The following WWTR1 variants were observed in gnomAD, a reference collection of about 807,000 sequenced individuals.
The protein encoded by WWTR1 is WW domain-containing transcription regulator protein 1.
Under a neutral mutation model 40.1 loss-of-function variants are expected in WWTR1, and 13 were observed. That is an observed-to-expected ratio of 0.32 (90% CI 0.21 to 0.52). The LOEUF (loss-of-function observed/expected upper bound fraction) is 0.52. Among genes scored for constraint, WWTR1 ranks in the 20% least tolerant of loss-of-function variants. WWTR1 has a pLI of 0.97. For synonymous variants in WWTR1, 230 were observed against 210.1 expected, an observed-to-expected ratio of 1.09 and a Z score of -0.82; for missense variants, 436 against 523.1, an observed-to-expected ratio of 0.83 and a Z score of 1.63.
At chr3:149,531,795 C>T (rs1214422002) in intron 4 of WWTR1, among the ~76,000 whole-genome samples, 3 of 152,154 alleles carry the variant, frequency 2.0e-5, no homozygotes, top group African/African-American at 7.2e-5. Flanking sequence ...AATGTAAGCT[C>T]CACGAGGGAA....
At chr3:149,543,093 A>G (rs879805579) in intron 3 of WWTR1, among the ~76,000 whole-genome samples, 6 of 152,264 alleles carry the variant, frequency 3.9e-5, no homozygotes, top group Non-Finnish European at 8.8e-5. Flanking sequence ...AGCCTGAGCT[A>G]TGAGCTAAAC....
At chr3:149,540,411 G>T in intron 4 of WWTR1, 1 of 389,794 alleles carries the variant, frequency 2.6e-6, no homozygotes, top group Non-Finnish European at 5.1e-6. Flanking sequence ...AGAAGGAGGA[G>T]AAGCAAGAGA....
intron 5 of WWTR1, among the ~76,000 whole-genome samples, chr3:149,713,035 T>G (rs943357612): frequency 6.6e-6 from 1 of 152,160 alleles, no homozygotes; most frequent in Admixed American, 6.5e-5. Flanking sequence ...CCCAAACATT[T>G]GGCTTCACAT....
chr3:149,701,406 GC>G (rs1715166319), intron 1 of WWTR1, among the ~76,000 whole-genome samples: 1 of 152,046 alleles, frequency 6.6e-6, no homozygotes, highest in East Asian at 1.9e-4. Context: ...CACCTCACGT[GC>G]CCCTGAGCCC....
intron 2 of WWTR1, among the ~76,000 whole-genome samples, chr3:149,575,254 C>G (rs1373674978): frequency 6.6e-6 from 1 of 152,176 alleles, no homozygotes; most frequent in African/African-American, 2.4e-5. Context: ...AACTTCTGGG[C>G]AGGTGGAAAC....
At chr3:149,658,955 G>A (rs753919839), upstream of WWTR1, among the ~76,000 whole-genome samples, 58 of 152,112 alleles carry the variant, frequency 3.8e-4, no homozygotes, top group Non-Finnish European at 2.2e-4. Context: ...GTGCGCCAGT[G>A]ACCCGAAAAA....
intron 2 of WWTR1, among the ~76,000 whole-genome samples, chr3:149,611,509 G>C (rs917925914): frequency 6.6e-6 from 1 of 152,218 alleles, no homozygotes; most frequent in Non-Finnish European, 1.5e-5. Context: ...GCCAGAGAGG[G>C]ATCAATCCAA....
chr3:149,668,561 T>C (rs927778592), intron 2 of WWTR1, among the ~76,000 whole-genome samples: 1 of 144,750 alleles, frequency 6.9e-6, no homozygotes, highest in Admixed American at 7.4e-5. Flanking sequence ...TAAGCCGAGA[T>C]GGCGCCACTG....
At position 149,649,917 on chromosome 3, in the gene WWTR1, CA is replaced by C. The variant is rs371649866; in HGVS notation, c.431+6958del. On this transcript the variant is annotated intron_variant, in intron 2 of 6. Transcript: ENST00000360632. ...AGGCGACAAGAGTGAAACGCTATCT[CA>C]AAAAAAAAAAAAAAAAAAAATTCTG... 1,052 of 105,392 alleles carry C rather than the reference CA, an allele frequency of 1.0e-2. 10 individuals are homozygous for C. Among genetic ancestry groups the C allele is most frequent in the African/African-American group, 0.024 (653 of 27,368 alleles). The allele number at this position is 105,392 out of a possible 1,614,324, so 6.5% of individuals were successfully genotyped here.
At chr3:149,639,101 C>T (rs1242540686) in intron 2 of WWTR1, among the ~76,000 whole-genome samples, 3 of 152,132 alleles carry the variant, frequency 2.0e-5, no homozygotes, top group Non-Finnish European at 4.4e-5. Context: ...CAGCCCATTC[C>T]AAAAAGATCT....
chr3:149,541,026 C>A (rs1215587069), intron 4 of WWTR1: 2 of 456,306 alleles, frequency 4.4e-6, no homozygotes, highest in Non-Finnish European at 8.8e-6. Flanking sequence ...CTAACATGCT[C>A]GGTCCTTTCC....
intron 1 of WWTR1, among the ~76,000 whole-genome samples, chr3:149,684,608 G>A (rs1413712111): frequency 2.6e-5 from 4 of 151,092 alleles, no homozygotes; most frequent in Non-Finnish European, 5.9e-5. Context: ...CTGTCACCCA[G>A]GCTGGAGTGC....
chr3:149,655,393 C>G (rs913929941), intron 2 of WWTR1, among the ~76,000 whole-genome samples: 1 of 152,062 alleles, frequency 6.6e-6, no homozygotes, highest in African/African-American at 2.4e-5. Context: ...TGCAGTGAGC[C>G]GAGATTGTGC....
rs1407989654 is a variant in WWTR1 at position 149,517,757 on chromosome 3, T to C, written c.*3048A>G. 2 of 152,188 alleles carry C rather than the reference T, an allele frequency of 1.3e-5. No individual in the cohort carries two copies. The highest frequency in any genetic ancestry group is 2.4e-5 in the African/African-American group (1 of 41,444). The allele number at this position is 152,188 out of a possible 1,614,324, so 9.4% of individuals were successfully genotyped here. On this transcript the variant is annotated 3_prime_UTR_variant, in exon 7 of 7. Transcript: ENST00000360632. ...AATACGGTGAAACACTGTCTAAAAATTACTTAGATTTAACAGAATTGCAAT... is the reference window on the plus strand; with the variant it reads ...AATACGGTGAAACACTGTCTAAAAACTACTTAGATTTAACAGAATTGCAAT...
At chr3:149,547,225 T>TA (rs55910448) in intron 3 of WWTR1, among the ~76,000 whole-genome samples, 120,658 of 134,782 alleles carry the variant, frequency 0.9, 54,100 homozygotes, top group East Asian at 0.99. Flanking sequence ...ATAGTTCCAT[T>TA]AAAAAAAAAA....
intron 4 of WWTR1, among the ~76,000 whole-genome samples, chr3:149,541,372 C>T (rs1193930722): frequency 6.6e-6 from 1 of 152,172 alleles, no homozygotes; most frequent in Non-Finnish European, 1.5e-5. Flanking sequence ...ACAGAGGGCA[C>T]ACGGCAACAC....
intron 2 of WWTR1, among the ~76,000 whole-genome samples, chr3:149,633,531 C>T (rs1711654206): frequency 6.6e-6 from 1 of 152,142 alleles, no homozygotes; most frequent in South Asian, 2.1e-4. Context: ...CCTACTAATC[C>T]CAGTACTCAA....
Position 149,568,217 on chromosome 3 carries a change from C to G in WWTR1, c.568+4647G>C, listed in dbSNP as rs1248716942. Among the ~76,000 whole-genome samples the G allele has an allele frequency of 5.3e-5, 8 of 151,028 alleles. No individual in the cohort carries two copies. The East Asian group carries it at 1.5e-3, about 29-fold the overall frequency. ...CCTGGCCAACATGGTGAAACCCCATCTCTACTAAAAATACAAAAATTAGCT... is the reference window on the plus strand; with the variant it reads ...CCTGGCCAACATGGTGAAACCCCATGTCTACTAAAAATACAAAAATTAGCT... On this transcript the variant is annotated intron_variant, in intron 3 of 6. Transcript: ENST00000360632.
upstream of WWTR1, among the ~76,000 whole-genome samples, chr3:149,707,169 A>G (rs1171939479): frequency 6.6e-6 from 1 of 152,222 alleles, no homozygotes; most frequent in Non-Finnish European, 1.5e-5. Context: ...AGCAAGGACA[A>G]GGAGCCAATG....
Sources: allele counts gnomAD v4.1 joint callset (sites outside exome capture counted in the v4.1 genomes callset), GRCh38; gene constraint gnomAD v4.1.1; transcripts MANE v1.5; gene names NCBI Gene and HGNC (gene_info 2026-07-23, HGNC 2026-07-21).